The following PCDHGB4 variants were observed in gnomAD, a reference collection of about 807,000 sequenced individuals.
The protein encoded by PCDHGB4 is protocadherin gamma subfamily B, 4, also known as protocadherin gamma-B4.
In PCDHGB4, 38 loss-of-function variants were observed where a neutral mutation model predicts 60.5. The observed-to-expected ratio is 0.63, with a 90% CI of 0.48 to 0.82. The LOEUF is 0.82. Among genes scored for constraint, PCDHGB4 ranks in the 40% least tolerant of loss-of-function variants. The probability of loss-of-function intolerance (pLI) is 0.00; values close to 1 mark genes in which losing one functional copy is unlikely to be tolerated. For missense variants in PCDHGB4, 1,109 were observed against 1,209.6 expected (o/e 0.92, Z 1.23); for synonymous variants, 456 against 509.7 (o/e 0.89, Z 1.42).
Position 141,431,420 on chromosome 5 carries a change from G to C in PCDHGB4, c.2397+41139G>C, listed in dbSNP as rs780266425. The C allele has an allele frequency of 8.1e-6, 13 of 1,613,592 alleles. No individual in the cohort carries two copies. Among genetic ancestry groups the C allele is most frequent in the East Asian group, 2.2e-5 (1 of 44,902 alleles). ...TACGGCCTCCGACGGGGGCGACCCG[G>C]TGCGCACAGGCACCGCGCGCATCCG... is the stretch of plus-strand genomic sequence containing the variant. On this transcript the variant is annotated intron_variant, in intron 1 of 3. Transcript: ENST00000519479. This position sits in a 1 kb window ranked among gnomAD's most constrained non-coding sequence, Gnocchi z 4.8.
chr5:141,424,169 A>G (rs542346399), intron 1 of PCDHGB4: 20 of 225,850 alleles, frequency 8.9e-5, no homozygotes, highest in Middle Eastern at 2.3e-3. Context: ...TCATCTATCT[A>G]TCTATACACA....
Position 141,476,845 on chromosome 5 carries a change from C to T in PCDHGB4, c.2398-17962C>T. On this transcript the variant is annotated intron_variant, in intron 1 of 3. Transcript: ENST00000519479. The surrounding 1 kb of genome is among the most constrained non-coding windows in gnomAD (Gnocchi z 7.6). ...TGGACGCGAATGACAATGCGCCTGT[C>T]TTCAACCAGTCCTTGTACCGGGCGC... 1 of 1,613,794 alleles carries T rather than the reference C, an allele frequency of 6.2e-7. No homozygotes were observed. Among genetic ancestry groups the T allele is most frequent in the Non-Finnish European group, 8.5e-7 (1 of 1,180,054 alleles).
In PCDHGB4 at chr5:141,427,541, C is replaced by G. The variant is rs541988301; in HGVS notation, c.2397+37260C>G. ...AGCGGATCCCGGAGTACAACGTCACCATCACTGCCACTGACAAGGGCAAGC... is the reference window on the plus strand; with the variant it reads ...AGCGGATCCCGGAGTACAACGTCACGATCACTGCCACTGACAAGGGCAAGC... On this transcript the variant is annotated intron_variant, in intron 1 of 3. Coordinates refer to ENST00000519479, the MANE Select transcript of PCDHGB4 (RefSeq NM_003736.4). 3.1e-5 allele frequency: 20 copies of G among 635,320 alleles called. No individual in the cohort carries two copies. The African/African-American group carries it at 3.6e-4, about 11-fold the overall frequency. The allele number at this position is 635,320 out of a possible 1,614,324, so 39.4% of individuals were successfully genotyped here.
Position 141,486,657 on chromosome 5 carries a change from T to C in PCDHGB4, c.2398-8150T>C. Reference sequence around the variant, plus strand: ...AATGCGCTTATCTCCTACTCACTCCTGGAGCCCAGGAATCGAGATGTATCA... The same window carrying C: ...AATGCGCTTATCTCCTACTCACTCCCGGAGCCCAGGAATCGAGATGTATCA... On this transcript the variant is annotated intron_variant, in intron 1 of 3. Transcript: ENST00000519479. The surrounding 1 kb of genome is among the most constrained non-coding windows in gnomAD (Gnocchi z 5.0). The C allele has an allele frequency of 6.2e-7, 1 of 1,614,010 alleles. No individual in the cohort carries two copies. Among genetic ancestry groups the C allele is most frequent in the Non-Finnish European group, 8.5e-7 (1 of 1,180,030 alleles).
chr5:141,431,960 T>C lies in PCDHGB4; in HGVS notation c.2397+41679T>C. On this transcript the variant is annotated intron_variant, in intron 1 of 3. Transcript: ENST00000519479. This position sits in a 1 kb window ranked among gnomAD's most constrained non-coding sequence, Gnocchi z 4.8. ...TAAATTAGAAAAATCTTACGGAAAT[T>C]ACTATAGTTTAGTCACAGACATAGT... The C allele has an allele frequency of 3.7e-6, 6 of 1,614,166 alleles. No individual in the cohort carries two copies. Among genetic ancestry groups the C allele is most frequent in the Non-Finnish European group, 5.1e-6 (6 of 1,180,034 alleles).
chr5:141,507,570 G>A (rs562674847), intron 3 of PCDHGB4, among the ~76,000 whole-genome samples: 1 of 152,366 alleles, frequency 6.6e-6, no homozygotes, highest in South Asian at 2.1e-4. Flanking sequence ...CTGGGTCTGA[G>A]GAGATGCCAA....
chr5:141,511,320 A>G lies in PCDHGB4; in HGVS notation c.*147A>G. ...CATGCTCCCCTTGGGAAACAGAAAC[A>G]AGTGCCCAGTCAGCACCTACCCCTT... On this transcript the variant is annotated 3_prime_UTR_variant, in exon 4 of 4. Transcript: ENST00000519479. 6.8e-7 allele frequency: 1 copy of G among 1,475,678 alleles called. No homozygotes were observed. The highest frequency in any genetic ancestry group is 1.4e-5 in the South Asian group (1 of 72,746). 91.4% of individuals were successfully genotyped at this position (1,475,678 alleles called of 1,614,324 possible).
Position 141,431,858 on chromosome 5 carries a change from G to A in PCDHGB4, c.2397+41577G>A, listed in dbSNP as rs1421209596. The A allele has an allele frequency of 1.1e-5, 17 of 1,614,198 alleles. No individual in the cohort carries two copies. Among genetic ancestry groups the A allele is most frequent in the Non-Finnish European group, 1.4e-5 (17 of 1,180,020 alleles). On this transcript the variant is annotated intron_variant, in intron 1 of 3. Coordinates refer to ENST00000519479, the MANE Select transcript of PCDHGB4 (RefSeq NM_003736.4). The surrounding 1 kb of genome is among the most constrained non-coding windows in gnomAD (Gnocchi z 4.8). ...AAACTCTCCCAGAGGGACATTAATTGCCCTTTTAAATGTAAATGACCAAGA... is the reference window on the plus strand; with the variant it reads ...AAACTCTCCCAGAGGGACATTAATTACCCTTTTAAATGTAAATGACCAAGA...
chr5:141,388,972 A>G lies in PCDHGB4; in HGVS notation c.1088A>G (p.His363Arg). 6.2e-7 allele frequency: 1 copy of G among 1,614,008 alleles called. No individual in the cohort carries two copies. Among genetic ancestry groups the G allele is most frequent in the Non-Finnish European group, 8.5e-7 (1 of 1,179,884 alleles). Residue 363 changes from histidine to arginine, a missense_variant, in exon 1 of 4, where the codon CAT (histidine) becomes CGT (arginine). Transcript: ENST00000519479. ...LIMEDAELGT[H>R]IALLKVRDKD... Reference sequence around the variant, plus strand: ...ATGGAGGACGCCGAGCTGGGAACACATATTGCTTTGCTCAAAGTCCGTGAC... The same window carrying G: ...ATGGAGGACGCCGAGCTGGGAACACGTATTGCTTTGCTCAAAGTCCGTGAC...
chr5:141,408,694 A>T (rs2095152952), intron 1 of PCDHGB4: 1 of 1,613,772 alleles, frequency 6.2e-7, no homozygotes, highest in African/African-American at 1.3e-5. Flanking sequence ...ATATAAACAT[A>T]AACTCAATTA....
chr5:141,409,357 T>A, intron 1 of PCDHGB4: 2 of 1,613,968 alleles, frequency 1.2e-6, no homozygotes, highest in Non-Finnish European at 1.7e-6. Context: ...TCAGGTGTAA[T>A]ATAGAAACAG....
chr5:141,419,671 G>T (rs532058652), intron 1 of PCDHGB4: 1 of 1,612,894 alleles, frequency 6.2e-7, no homozygotes, highest in East Asian at 2.2e-5. Context: ...ATGCCTGGCT[G>T]TCCTACCACG....
chr5:141,495,547 C>G (rs2099762038), intron 2 of PCDHGB4, among the ~76,000 whole-genome samples: 1 of 152,228 alleles, frequency 6.6e-6, no homozygotes, highest in South Asian at 2.1e-4. Flanking sequence ...CAGTCTCTAT[C>G]TCGCTTTGCA....
Position 141,490,202 on chromosome 5 carries a change from G to A in PCDHGB4, c.2398-4605G>A, listed in dbSNP as rs1594889134. On this transcript the variant is annotated intron_variant, in intron 1 of 3. Coordinates refer to ENST00000519479, the MANE Select transcript of PCDHGB4 (RefSeq NM_003736.4). The surrounding 1 kb of genome is among the most constrained non-coding windows in gnomAD (Gnocchi z 5.4). ...TCACGTTTCTATGAAATTCATGCAA[G>A]AGCCCGTGACCAGGGACAGCCTGCC... 1.2e-6 allele frequency: 2 copies of A among 1,614,220 alleles called. No homozygotes were observed. The highest frequency in any genetic ancestry group is 2.7e-5 in the African/African-American group (2 of 75,060).
intron 1 of PCDHGB4, chr5:141,394,749 G>C (rs1270810324): frequency 1.2e-6 from 2 of 1,613,424 alleles, no homozygotes; most frequent in Admixed American, 1.7e-5. Context: ...CGTGGTGGCC[G>C]TCCAGGACCA....
At position 141,400,132 on chromosome 5, in the gene PCDHGB4, C is replaced by T. The variant is rs762060556; in HGVS notation, c.2397+9851C>T. 6.3e-5 allele frequency: 101 copies of T among 1,613,964 alleles called. No individual in the cohort carries two copies. The highest frequency in any genetic ancestry group is 8.4e-5 in the Non-Finnish European group (99 of 1,179,904). On this transcript the variant is annotated intron_variant, in intron 1 of 3. Coordinates refer to ENST00000519479, the MANE Select transcript of PCDHGB4 (RefSeq NM_003736.4). ...TGCTGACAGCTTGCAGGAGGTGCTG[C>T]CGGATATCACTGACCGCCCTGTACC...
chr5:141,478,210 A>G, intron 1 of PCDHGB4: 1 of 1,614,064 alleles, frequency 6.2e-7, no homozygotes, highest in East Asian at 2.2e-5. Flanking sequence ...TTCTTTCTCT[A>G]ATCCTGGTTT....
At chr5:141,394,430 C>T (rs2150569215) in intron 1 of PCDHGB4, 1 of 1,614,244 alleles carries the variant, frequency 6.2e-7, no homozygotes, top group African/African-American at 1.3e-5. Context: ...ACAGCGGGGA[C>T]CCGCCCCTCA....
intron 1 of PCDHGB4, chr5:141,404,341 A>C (rs2094516146): frequency 3.1e-6 from 5 of 1,613,966 alleles, no homozygotes; most frequent in Non-Finnish European, 4.2e-6. Context: ...ACCTCCCGGA[A>C]AACAACGCCA....
Sources: gnomAD v4.1 joint callset for allele counts (sites outside exome capture counted in the v4.1 genomes callset) on GRCh38, gnomAD v4.1.1 for gene constraint, Gnocchi (gnomAD v3.1) non-coding constraint, MANE v1.5 for transcripts, NCBI Gene and HGNC (gene_info 2026-07-23, HGNC 2026-07-21) for gene names.